Variants in WWTR1 observed in about 807,000 individuals in gnomAD.
The protein encoded by WWTR1 is WW domain containing transcription regulator 1, also known as WW domain-containing transcription regulator protein 1.
Under a neutral mutation model 40.1 loss-of-function variants are expected in WWTR1, and 13 were observed. The ratio of observed to expected loss-of-function variants is 0.32; its 90% CI spans 0.21 to 0.52. WWTR1 has a LOEUF of 0.52. Ranked by LOEUF, WWTR1 falls within the 20% of genes least tolerant of loss-of-function variation. The pLI, the probability that WWTR1 is intolerant of heterozygous loss-of-function variation, is 0.97. For synonymous variants in WWTR1, 230 were observed against 210.1 expected, an observed-to-expected ratio of 1.09 and a Z score of -0.82; for missense variants, 436 against 523.1, an observed-to-expected ratio of 0.83 and a Z score of 1.63.
chr3:149,693,619 G>T (rs1714890787), intron 1 of WWTR1, among the ~76,000 whole-genome samples: 1 of 152,122 alleles, frequency 6.6e-6, no homozygotes, highest in African/African-American at 2.4e-5. Context: ...CAAGGTACTG[G>T]CATAAAACAG....
At chr3:149,585,499 T>C (rs1738379074) in intron 2 of WWTR1, among the ~76,000 whole-genome samples, 1 of 152,170 alleles carries the variant, frequency 6.6e-6, no homozygotes, top group Admixed American at 6.5e-5. Context: ...AAAATATTCT[T>C]AAAACACAGG....
chr3:149,578,436 G>A (rs1191176376), intron 2 of WWTR1, among the ~76,000 whole-genome samples: 1 of 152,216 alleles, frequency 6.6e-6, no homozygotes, highest in Non-Finnish European at 1.5e-5. Context: ...TCAGCAGTGA[G>A]TGCAGAGAAG....
intron 3 of WWTR1, among the ~76,000 whole-genome samples, chr3:149,544,941 T>C (rs1273067960): frequency 6.6e-6 from 1 of 152,152 alleles, no homozygotes; most frequent in Non-Finnish European, 1.5e-5. Context: ...CAGTTTAGGT[T>C]TCCCCCTTAG....
Position 149,645,092 on chromosome 3 carries a change from T to A in WWTR1, c.431+11784A>T, listed in dbSNP as rs1447305958. 1.8e-4 allele frequency among the ~76,000 whole-genome samples: 28 copies of A among 151,852 alleles called. No homozygotes were observed. The East Asian group carries it at 3.5e-3, about 19-fold the overall frequency. ...GCTCTTTTATTTTATTTATTTTTTTTTTTTTGAGACGGAGTCTCGATCTGT... is the reference window on the plus strand; with the variant it reads ...GCTCTTTTATTTTATTTATTTTTTTATTTTTGAGACGGAGTCTCGATCTGT... On this transcript the variant is annotated intron_variant, in intron 2 of 6. Transcript: ENST00000360632.
intron 5 of WWTR1, among the ~76,000 whole-genome samples, chr3:149,713,967 C>T (rs1463449706): frequency 6.6e-5 from 10 of 152,052 alleles, no homozygotes; most frequent in Admixed American, 6.5e-4. Context: ...TGCGGGGAGG[C>T]TGCGGGGAGG....
chr3:149,582,589 G>T (rs1476507109), intron 2 of WWTR1, among the ~76,000 whole-genome samples: 1 of 151,896 alleles, frequency 6.6e-6, no homozygotes, highest in Non-Finnish European at 1.5e-5. Flanking sequence ...ATATGAGTCG[G>T]GCGTGGTGGT....
At chr3:149,545,214 C>T (rs1169607106) in intron 3 of WWTR1, among the ~76,000 whole-genome samples, 1 of 152,032 alleles carries the variant, frequency 6.6e-6, no homozygotes. Flanking sequence ...CAGATGGTGT[C>T]GCAGGGGAAA....
rs561882195 is a variant in WWTR1 at position 149,542,434 on chromosome 3, C to T, written c.672G>A (p.Ala224=). 3.3e-4 allele frequency: 528 copies of T among 1,614,068 alleles called. 2 individuals are homozygous for T. In the South Asian group the frequency reaches 4.3e-3, roughly 13 times the overall value. The change falls in exon 4 of 7, where the codon GCG becomes GCA. Residue 224 remains alanine, a synonymous_variant. Transcript: ENST00000360632. ...PPAGLMSMPN[A]LTTQQQQQQK... ...GCTGCTGCTGCTGCTGAGTGGTCAGCGCATTGGGCATACTCATGAGCCCTG... is the reference window on the plus strand; with the variant it reads ...GCTGCTGCTGCTGCTGAGTGGTCAGTGCATTGGGCATACTCATGAGCCCTG...
chr3:149,722,214 T>A (rs1471509633), intron 4 of WWTR1, among the ~76,000 whole-genome samples: 1 of 152,056 alleles, frequency 6.6e-6, no homozygotes, highest in East Asian at 1.9e-4. Context: ...ATTATTTTCC[T>A]CTATTCTTCT....
chr3:149,676,461 C>T (rs989868852), intron 1 of WWTR1, among the ~76,000 whole-genome samples: 11 of 150,748 alleles, frequency 7.3e-5, no homozygotes, highest in East Asian at 2.0e-4. Flanking sequence ...GTTTTTTTTG[C>T]GGAAAGAAGG....
chr3:149,634,930 C>G (rs1296548122), intron 2 of WWTR1, among the ~76,000 whole-genome samples: 2 of 152,320 alleles, frequency 1.3e-5, no homozygotes, highest in Non-Finnish European at 2.9e-5. Flanking sequence ...GAGGCCAAAC[C>G]TTGAATTGAC....
chr3:149,706,819 G>A (rs1323911061), upstream of WWTR1, among the ~76,000 whole-genome samples: 1 of 152,140 alleles, frequency 6.6e-6, no homozygotes, highest in Non-Finnish European at 1.5e-5. Flanking sequence ...TTAAGAAAAG[G>A]AAGGTCTCAG....
At chr3:149,584,745 G>A (rs554796594) in intron 2 of WWTR1, among the ~76,000 whole-genome samples, 20 of 152,298 alleles carry the variant, frequency 1.3e-4, no homozygotes, top group African/African-American at 4.6e-4. Flanking sequence ...GAGTGGTACA[G>A]TGGATTTGAG....
intron 1 of WWTR1, among the ~76,000 whole-genome samples, chr3:149,698,535 C>A (rs1470002465): frequency 6.6e-6 from 1 of 152,224 alleles, no homozygotes. Flanking sequence ...CCACCAACAG[C>A]TCCATGAGGC....
intron 2 of WWTR1, among the ~76,000 whole-genome samples, chr3:149,611,335 T>C (rs1015385900): frequency 2.0e-5 from 3 of 152,186 alleles, no homozygotes; most frequent in Non-Finnish European, 4.4e-5. Flanking sequence ...TTTCTGTGAA[T>C]AAAGTTTTAT....
chr3:149,632,791 G>A (rs1416785488), intron 2 of WWTR1, among the ~76,000 whole-genome samples: 1 of 152,186 alleles, frequency 6.6e-6, no homozygotes, highest in East Asian at 1.9e-4. Flanking sequence ...AGTGCAATAA[G>A]CCACTCATAA....
rs576863232 is a variant in WWTR1 at position 149,582,560 on chromosome 3, TA to T, written c.432-9561del. Among the ~76,000 whole-genome samples, 258 of 142,864 alleles carry T rather than the reference TA, an allele frequency of 1.8e-3. 1 individual carries two copies. The highest frequency in any genetic ancestry group is 2.2e-3 in the Admixed American group (32 of 14,282). The allele number at this position is 142,864 out of a possible 152,430, so 93.7% of individuals were successfully genotyped here. On this transcript the variant is annotated intron_variant, in intron 2 of 6. Coordinates refer to ENST00000360632, the MANE Select transcript of WWTR1 (RefSeq NM_015472.6). ...GGGCAACATAGGGAGATCTTATCTC[TA>T]AAAAAAAAAAAATCAAAATATGAGT...
intron 2 of WWTR1, among the ~76,000 whole-genome samples, chr3:149,576,576 A>G (rs1246719509): frequency 1.3e-5 from 2 of 152,232 alleles, no homozygotes; most frequent in Non-Finnish European, 1.5e-5. Context: ...TTTTAAAAGT[A>G]TAACTTCCCT....
intron 1 of WWTR1, among the ~76,000 whole-genome samples, chr3:149,672,490 A>G (rs971477660): frequency 6.6e-5 from 10 of 152,346 alleles, no homozygotes; most frequent in African/African-American, 2.4e-4. Flanking sequence ...AGTTTCTACC[A>G]TGGCCAAGCC....
Sources: gnomAD v4.1 joint callset for allele counts (sites outside exome capture counted in the v4.1 genomes callset) on GRCh38, gnomAD v4.1.1 for gene constraint, MANE v1.5 for transcripts, NCBI Gene and HGNC (gene_info 2026-07-23, HGNC 2026-07-21) for gene names.